CPNE5: variants seen among roughly 807,000 people sequenced by gnomAD.
CPNE5 encodes copine 5.
Under a neutral mutation model 81.1 loss-of-function variants are expected in CPNE5, and 42 were observed. That is an observed-to-expected ratio of 0.52 (90% confidence interval 0.40 to 0.67). CPNE5 has a LOEUF of 0.67. Among genes scored for constraint, CPNE5 ranks in the 30% least tolerant of loss-of-function variants. CPNE5 has a pLI of 0.00. For missense variants in CPNE5, 612 were observed against 815.5 expected, an observed-to-expected ratio of 0.75 and a Z score of 3.04; for synonymous variants, 313 against 321.5, an observed-to-expected ratio of 0.97 and a Z score of 0.28.
intron 3 of CPNE5, among the ~76,000 whole-genome samples, chr6:36,811,208 G>A: frequency 6.6e-6 from 1 of 152,072 alleles, no homozygotes; most frequent in East Asian, 1.9e-4. Flanking sequence ...GGGGGCCTGA[G>A]CAGTCCCCAC....
At chr6:36,792,577 C>A in intron 7 of CPNE5, 1 of 444,220 alleles carries the variant, frequency 2.3e-6, no homozygotes, top group Non-Finnish European at 4.5e-6. Context: ...GGCTGGTGGG[C>A]CCTCGCTGGC....
chr6:36,765,076 A>G (rs1017750262), intron 11 of CPNE5, among the ~76,000 whole-genome samples: 3 of 152,058 alleles, frequency 2.0e-5, no homozygotes, highest in Non-Finnish European at 4.4e-5. Context: ...GCTATTTGGG[A>G]AAAAGGAGGC....
chr6:36,774,737 C>T (rs1767346146), intron 10 of CPNE5, among the ~76,000 whole-genome samples: 1 of 121,316 alleles, frequency 8.2e-6, no homozygotes, highest in East Asian at 2.4e-4. Flanking sequence ...AGAAGAGGAT[C>T]TGTGAGGCTG....
In CPNE5 at chr6:36,839,419, C is replaced by G. The variant is rs1322551417; in HGVS notation, c.-42G>C. On this transcript the variant is annotated 5_prime_UTR_variant, in exon 1 of 21. Transcript: ENST00000244751. The surrounding 1 kb of genome is among the most constrained non-coding windows in gnomAD (Gnocchi z 7.3). The stretch of plus-strand genomic sequence containing the variant: ...CACCCCAAATTAGTCAATCCCTGCG[C>G]GATTCACGCCTCCTCCGGAGCGACT... 6.8e-7 allele frequency: 1 copy of G among 1,478,120 alleles called. No individual in the cohort carries two copies. The highest frequency in any genetic ancestry group is 9.2e-7 in the Non-Finnish European group (1 of 1,090,904). 91.6% of individuals were successfully genotyped at this position (1,478,120 alleles called of 1,614,324 possible).
At chr6:36,812,749 A>G (rs965540343) in intron 3 of CPNE5, among the ~76,000 whole-genome samples, 6 of 152,208 alleles carry the variant, frequency 3.9e-5, no homozygotes, top group Non-Finnish European at 5.9e-5. Context: ...ATTCAGCTGC[A>G]TGACAAGAGC....
intron 10 of CPNE5, among the ~76,000 whole-genome samples, chr6:36,773,336 A>G (rs1767210918): frequency 6.6e-6 from 1 of 152,236 alleles, no homozygotes; most frequent in Non-Finnish European, 1.5e-5. Context: ...CTGACTCAAC[A>G]GAAACCAACA....
intron 9 of CPNE5, among the ~76,000 whole-genome samples, chr6:36,775,757 T>C (rs2150454095): frequency 6.6e-6 from 1 of 152,356 alleles, no homozygotes; most frequent in South Asian, 2.1e-4. Context: ...TAGTCTATTT[T>C]TTCCTTATTT....
chr6:36,827,771 C>T (rs1048323911), intron 1 of CPNE5: 5 of 984,870 alleles, frequency 5.1e-6, no homozygotes, highest in South Asian at 4.7e-5. Flanking sequence ...ACGAAGGGCC[C>T]GAGACACCAG....
In CPNE5 at chr6:36,746,421, C is replaced by T; in HGVS notation, c.1175G>A (p.Gly392Asp). The T allele has an allele frequency of 6.2e-7, 1 of 1,612,802 alleles. No homozygotes were observed. The highest frequency in any genetic ancestry group is 8.5e-7 in the Non-Finnish European group (1 of 1,179,404). ...CAGTGGGAACTCGTGGGACACTCTG[C>T]CATCCGGGGGCAGCTTGGCCCCGAA... ...LGFGAKLPPD[G>D]RVSHEFPLNG... Residue 392 changes from glycine to aspartate, a missense_variant, in exon 16 of 21, where the codon GGC (glycine) becomes GAC (aspartate). Transcript: ENST00000244751. This position sits in a 1 kb window ranked among gnomAD's most constrained non-coding sequence, Gnocchi z 4.5.
chr6:36,794,661 G>C lies in CPNE5; in HGVS notation c.405-12C>G. On this transcript the variant is annotated splice_polypyrimidine_tract_variant and intron_variant, in intron 6 of 20. Coordinates refer to ENST00000244751, the MANE Select transcript of CPNE5 (RefSeq NM_020939.2). ...TGAATGCGCCTATCCTGTGGAGAGA[G>C]AGGGGGAGAGAGAGCATGCCATGAG... The C allele has an allele frequency of 5.6e-6, 9 of 1,613,426 alleles. No homozygotes were observed. Among genetic ancestry groups the C allele is most frequent in the Non-Finnish European group, 5.9e-6 (7 of 1,179,634 alleles).
intron 10 of CPNE5, among the ~76,000 whole-genome samples, chr6:36,772,642 A>G (rs1767139252): frequency 6.6e-6 from 1 of 152,204 alleles, no homozygotes; most frequent in African/African-American, 2.4e-5. Flanking sequence ...CCACCTGTGG[A>G]ACAGACTGTG....
At chr6:36,821,751 G>T (rs918211084) in intron 3 of CPNE5, among the ~76,000 whole-genome samples, 1 of 152,166 alleles carries the variant, frequency 6.6e-6, no homozygotes, top group Admixed American at 6.5e-5. Context: ...CAGAAGCCAC[G>T]GGAAGGAAGC....
intron 3 of CPNE5, among the ~76,000 whole-genome samples, chr6:36,814,301 C>A (rs1430930563): frequency 2.0e-5 from 3 of 152,146 alleles, no homozygotes; most frequent in South Asian, 4.1e-4. Context: ...GACCCAGGAC[C>A]AAGAGGCATA....
chr6:36,769,982 G>T, intron 10 of CPNE5, among the ~76,000 whole-genome samples: 1 of 152,220 alleles, frequency 6.6e-6, no homozygotes, highest in East Asian at 1.9e-4. Context: ...CAGCATCAAG[G>T]TGTGAGCAGC....
intron 3 of CPNE5, among the ~76,000 whole-genome samples, chr6:36,804,485 A>G (rs1770405384): frequency 6.6e-6 from 1 of 152,218 alleles, no homozygotes; most frequent in Non-Finnish European, 1.5e-5. Context: ...CTTGCAAAAT[A>G]TTCCAGGTAA....
At chr6:36,835,060 C>T (rs1038040117) in intron 1 of CPNE5, among the ~76,000 whole-genome samples, 3 of 152,316 alleles carry the variant, frequency 2.0e-5, no homozygotes, top group Admixed American at 1.3e-4. Context: ...AGCCCCATAC[C>T]AGCTGGTGGG....
At chr6:36,817,843 C>G (rs1043771917) in intron 3 of CPNE5, among the ~76,000 whole-genome samples, 4 of 152,138 alleles carry the variant, frequency 2.6e-5, no homozygotes, top group Non-Finnish European at 5.9e-5. Flanking sequence ...GTTTGGAAGT[C>G]CCTTGGGGTT....
At chr6:36,823,175 G>A (rs987754306) in intron 1 of CPNE5, 77 bp from the exon 2 acceptor site, 25 of 1,270,782 alleles carry the variant, frequency 2.0e-5, no homozygotes, top group Admixed American at 1.3e-4. Context: ...GGCTGTTACC[G>A]AGACCCAGAG....
rs772607481 is a variant in CPNE5 at position 36,794,625 on chromosome 6, G to A, written c.429C>T (p.Ser143=). Residue 143 remains serine, a synonymous_variant, in exon 7 of 21, where the codon TCC becomes TCT. Transcript: ENST00000244751. ...CAGCTGGCATGGGTTTGCCCGTCCT[G>A]GAATTCAGGCTGAATGCGCCTATCC... ...PLTIGAFSLN[S]RTGKPMPAVS... is the part of the protein sequence containing the mutation. 2 of 1,614,112 alleles carry A rather than the reference G, an allele frequency of 1.2e-6. No homozygotes were observed. Among genetic ancestry groups the A allele is most frequent in the African/African-American group, 1.3e-5 (1 of 75,028 alleles).
Sources: allele counts gnomAD v4.1 joint callset (sites outside exome capture counted in the v4.1 genomes callset), GRCh38; gene constraint gnomAD v4.1.1; non-coding constraint Gnocchi (gnomAD v3.1); transcripts MANE v1.5; gene names NCBI Gene and HGNC (gene_info 2026-07-23, HGNC 2026-07-21).